The following WDFY4 variants were observed in gnomAD, a reference collection of about 807,000 sequenced individuals.
The protein encoded by WDFY4 is WD repeat- and FYVE domain-containing protein 4.
Under a neutral mutation model 351.9 loss-of-function variants are expected in WDFY4, and 169 were observed. The observed-to-expected ratio is 0.48, with a 90% confidence interval of 0.42 to 0.55. The LOEUF (loss-of-function observed/expected upper bound fraction) is 0.55. Among genes scored for constraint, WDFY4 ranks in the 20% least tolerant of loss-of-function variants. The pLI, the probability that WDFY4 is intolerant of heterozygous loss-of-function variation, is 0.00. For synonymous variants in WDFY4, 1,622 were observed against 1,574.6 expected (o/e 1.03, Z -0.71); for missense variants, 3,803 against 3,935.6 (o/e 0.97, Z 0.90).
At chr10:48,865,224 G>T (rs1233020401) in intron 39 of WDFY4, among the ~76,000 whole-genome samples, 1 of 152,120 alleles carries the variant, frequency 6.6e-6, no homozygotes, top group African/African-American at 2.4e-5. Context: ...CCCTTTATGA[G>T]ATTGAGAAAA....
Position 48,957,126 on chromosome 10 carries a change from C to A in WDFY4, c.7978-3C>A. ...CTGGTCATGTTGGCTCCATTTCCCC[C>A]AGGGCGGAAGCTTCGACGTGGCAGA... On this transcript the variant is annotated splice_region_variant and splice_polypyrimidine_tract_variant and intron_variant, in intron 51 of 61. Coordinates refer to ENST00000325239, the MANE Select transcript of WDFY4 (RefSeq NM_001394531.1). 3 of 1,548,252 alleles carry A rather than the reference C, an allele frequency of 1.9e-6. No homozygotes were observed. Among genetic ancestry groups the A allele is most frequent in the Non-Finnish European group, 2.6e-6 (3 of 1,144,532 alleles).
chr10:48,885,878 C>T (rs2070436577), intron 43 of WDFY4, among the ~76,000 whole-genome samples: 1 of 152,122 alleles, frequency 6.6e-6, no homozygotes, highest in Non-Finnish European at 1.5e-5. Flanking sequence ...GATACTAGAG[C>T]TCATAGATGA....
intron 13 of WDFY4, among the ~76,000 whole-genome samples, chr10:48,766,592 T>C (rs1255176853): frequency 6.6e-6 from 1 of 151,814 alleles, no homozygotes; most frequent in Admixed American, 6.6e-5. Context: ...AGACCTTGTC[T>C]CAAAAAAAAC....
At chr10:48,733,804 A>G (rs2064551744) in intron 9 of WDFY4, 127 bp from the exon 10 acceptor site, 3 of 804,100 alleles carry the variant, frequency 3.7e-6, no homozygotes, top group Non-Finnish European at 5.9e-6. Flanking sequence ...TAATTGGGAT[A>G]CACACTCCCT....
At chr10:48,840,021 G>A (rs1371960374) in intron 39 of WDFY4, among the ~76,000 whole-genome samples, 2 of 152,158 alleles carry the variant, frequency 1.3e-5, no homozygotes, top group Non-Finnish European at 2.9e-5. Context: ...GCTCTTCATC[G>A]TACTGTCTGG....
chr10:48,965,794 A>ATATCTGTATCAGTTAGATATAGATTG, intron 54 of WDFY4, among the ~76,000 whole-genome samples: 1 of 152,270 alleles, frequency 6.6e-6, no homozygotes, highest in African/African-American at 2.4e-5. Flanking sequence ...GATATAGATT[A>ATATCTGTATCAGTTAGATATAGATTG]TATCTGTATC....
chr10:48,974,419 G>T (rs1842459200), intron 57 of WDFY4, among the ~76,000 whole-genome samples: 1 of 144,404 alleles, frequency 6.9e-6, no homozygotes. Context: ...CAAAAGAATT[G>T]CTGTACCTGG....
intron 57 of WDFY4, among the ~76,000 whole-genome samples, chr10:48,972,206 C>A (rs944119689): frequency 6.6e-6 from 1 of 152,202 alleles, no homozygotes; most frequent in African/African-American, 2.4e-5. Context: ...TCCCCAGACC[C>A]ATGGCTGCTC....
chr10:48,821,356 G>A (rs1020118859), intron 34 of WDFY4, among the ~76,000 whole-genome samples, 180 bp downstream of exon 34: 11 of 152,344 alleles, frequency 7.2e-5, no homozygotes, highest in African/African-American at 1.9e-4. Flanking sequence ...CCAGTGGAGG[G>A]GTGCTTGCTA....
chr10:48,758,980 T>G (rs2065416596), intron 12 of WDFY4, among the ~76,000 whole-genome samples: 1 of 152,206 alleles, frequency 6.6e-6, no homozygotes, highest in African/African-American at 2.4e-5. Context: ...CTGGACATTT[T>G]GAATCTTATC....
At chr10:48,882,261 A>T (rs1589806299) in intron 43 of WDFY4, among the ~76,000 whole-genome samples, 1 of 152,294 alleles carries the variant, frequency 6.6e-6, no homozygotes, top group East Asian at 1.9e-4. Flanking sequence ...CTGCCACAAC[A>T]CCACCACCAT....
Position 48,775,726 on chromosome 10 carries a change from T to G in WDFY4, c.2783T>G (p.Leu928Arg), listed in dbSNP as rs935219380. 6 of 1,551,702 alleles carry G rather than the reference T, an allele frequency of 3.9e-6. No homozygotes were observed. In the Admixed American group the frequency reaches 1.2e-4, roughly 30 times the overall value. The part of the protein sequence containing the change: ...EPDVLRQFLG[L>R]GIPSSLSATT... ...GTTATGTTCAGACAGTTTCTAGGTCTTGGAATTCCCTCATCTCTGTCGGCC... is the reference window on the plus strand; with the variant it reads ...GTTATGTTCAGACAGTTTCTAGGTCGTGGAATTCCCTCATCTCTGTCGGCC... Residue 928 changes from leucine to arginine, a missense_variant, in exon 15 of 62, where the codon CTT (leucine) becomes CGT (arginine). Transcript: ENST00000325239.
chr10:48,801,589 G>A (rs1168244141), intron 24 of WDFY4: 1 of 450,790 alleles, frequency 2.2e-6, no homozygotes, highest in East Asian at 7.0e-5. Context: ...AATGGCAGCT[G>A]GCCCACCTCT....
chr10:48,710,949 A>T (rs577054659), intron 2 of WDFY4, among the ~76,000 whole-genome samples: 1 of 152,300 alleles, frequency 6.6e-6, no homozygotes, highest in South Asian at 2.1e-4. Context: ...CACTTTTTAT[A>T]AGGACTTAGT....
intron 30 of WDFY4, among the ~76,000 whole-genome samples, chr10:48,812,330 C>T (rs566767628): frequency 1.3e-5 from 2 of 152,034 alleles, no homozygotes; most frequent in African/African-American, 2.4e-5. Flanking sequence ...GCTGGGATTA[C>T]AGGTATCCAC....
intron 47 of WDFY4, among the ~76,000 whole-genome samples, chr10:48,930,134 G>A (rs1033803975): frequency 7.2e-5 from 11 of 152,048 alleles, no homozygotes; most frequent in East Asian, 1.9e-4. Flanking sequence ...CAGTCTAAGC[G>A]CTTACAAGGT....
At chr10:48,942,383 T>TGTGTGTGG (rs1564516230) in intron 48 of WDFY4, among the ~76,000 whole-genome samples, 1 of 151,754 alleles carries the variant, frequency 6.6e-6, no homozygotes, top group African/African-American at 2.4e-5. Context: ...TGTGTGCGTG[T>TGTGTGTGG]GTGTGTGTGT....
intron 13 of WDFY4, among the ~76,000 whole-genome samples, chr10:48,763,058 G>A (rs1010457649): frequency 2.0e-5 from 3 of 152,174 alleles, no homozygotes; most frequent in Admixed American, 6.5e-5. Context: ...CTTGTAGCCC[G>A]TGAATTACTT....
At chr10:48,928,698 C>T (rs890748887) in intron 47 of WDFY4, among the ~76,000 whole-genome samples, 7 of 152,314 alleles carry the variant, frequency 4.6e-5, no homozygotes, top group South Asian at 2.1e-4. Flanking sequence ...GGCCCACTGG[C>T]GACAGCCCAG....
Sources: allele counts gnomAD v4.1 joint callset (sites outside exome capture counted in the v4.1 genomes callset), GRCh38; gene constraint gnomAD v4.1.1; transcripts MANE v1.5; gene names NCBI Gene and HGNC (gene_info 2026-07-23, HGNC 2026-07-21).